ERBB4: variants seen among roughly 807,000 people sequenced by gnomAD.
ERBB4 encodes receptor tyrosine-protein kinase erbB-4.
Under a neutral mutation model 158.0 loss-of-function variants are expected in ERBB4, and 42 were observed. The ratio of observed to expected loss-of-function variants is 0.27; its 90% CI spans 0.21 to 0.34. The LOEUF is 0.34. ERBB4 is among the 10% of genes least tolerant of loss of function. ERBB4 has a pLI of 1.00. For missense variants in ERBB4, 1,333 were observed against 1,624.1 expected, an observed-to-expected ratio of 0.82 and a Z score of 3.08; for synonymous variants, 583 against 558.7, an observed-to-expected ratio of 1.04 and a Z score of -0.61.
intron 1 of ERBB4, among the ~76,000 whole-genome samples, chr2:212,455,712 G>A (rs921290057): frequency 6.6e-6 from 1 of 151,922 alleles, no homozygotes; most frequent in African/African-American, 2.4e-5. Flanking sequence ...TACTTTATTG[G>A]ATAGAAAAAT....
chr2:211,489,187 A>T (rs57162879), intron 20 of ERBB4, among the ~76,000 whole-genome samples: 2 of 152,064 alleles, frequency 1.3e-5, no homozygotes, highest in African/African-American at 4.8e-5. Context: ...GATTCTTTTC[A>T]CCACAGCTGA....
intron 1 of ERBB4, among the ~76,000 whole-genome samples, chr2:212,179,717 A>G (rs1268414989): frequency 6.6e-6 from 1 of 151,648 alleles, no homozygotes; most frequent in Non-Finnish European, 1.5e-5. Context: ...AAGTTGCTAT[A>G]AATCATAGAT....
intron 1 of ERBB4, among the ~76,000 whole-genome samples, chr2:212,466,564 G>A (rs1297607732): frequency 1.3e-5 from 2 of 152,188 alleles, no homozygotes; most frequent in African/African-American, 2.4e-5. Context: ...TGCCATCCAA[G>A]TAAGATATGA....
At chr2:212,396,294 G>A (rs2091023924) in intron 1 of ERBB4, among the ~76,000 whole-genome samples, 1 of 152,064 alleles carries the variant, frequency 6.6e-6, no homozygotes, top group Middle Eastern at 3.2e-3. Flanking sequence ...ATCCAGAGAT[G>A]ATCCTCTACA....
intron 20 of ERBB4, among the ~76,000 whole-genome samples, chr2:211,455,224 A>T (rs1379918990): frequency 6.6e-6 from 1 of 152,248 alleles, no homozygotes; most frequent in Non-Finnish European, 1.5e-5. Context: ...GTGAAACACA[A>T]AATTTAGCAT....
chr2:212,405,388 G>C (rs1310069103), intron 1 of ERBB4, among the ~76,000 whole-genome samples: 2 of 152,054 alleles, frequency 1.3e-5, no homozygotes, highest in Non-Finnish European at 2.9e-5. Context: ...CCGTTAGCAG[G>C]TGTGTAAACT....
chr2:211,994,771 G>A (rs2082159725), intron 2 of ERBB4, among the ~76,000 whole-genome samples: 1 of 152,076 alleles, frequency 6.6e-6, no homozygotes, highest in African/African-American at 2.4e-5. Flanking sequence ...TCACATTGAA[G>A]GGAAAAAGAA....
At chr2:212,404,935 G>A (rs936392998) in intron 1 of ERBB4, among the ~76,000 whole-genome samples, 2 of 152,028 alleles carry the variant, frequency 1.3e-5, no homozygotes, top group African/African-American at 4.8e-5. Context: ...AGTTTGCTAA[G>A]TATAATAGCC....
chr2:211,759,014 A>G (rs749035727), intron 4 of ERBB4, among the ~76,000 whole-genome samples: 1 of 152,122 alleles, frequency 6.6e-6, no homozygotes. Flanking sequence ...AACTAAATCC[A>G]TACTCTTCCC....
chr2:212,389,033 T>G (rs2090768357), intron 1 of ERBB4, among the ~76,000 whole-genome samples: 1 of 151,982 alleles, frequency 6.6e-6, no homozygotes, highest in Admixed American at 6.6e-5. Context: ...GAGAAACTGG[T>G]GAAAAAGTGT....
intron 3 of ERBB4, among the ~76,000 whole-genome samples, chr2:211,817,775 C>A (rs985028232): frequency 6.6e-6 from 1 of 152,150 alleles, no homozygotes; most frequent in Non-Finnish European, 1.5e-5. Flanking sequence ...CCTTATCTTT[C>A]CCATTTCCTG....
intron 1 of ERBB4, among the ~76,000 whole-genome samples, chr2:212,228,135 A>G (rs905965974): frequency 1.3e-5 from 2 of 152,276 alleles, no homozygotes; most frequent in African/African-American, 4.8e-5. Context: ...CTTTCTTCTG[A>G]TTTCTATATA....
At chr2:211,482,561 C>G (rs1006951850) in intron 20 of ERBB4, among the ~76,000 whole-genome samples, 1 of 152,026 alleles carries the variant, frequency 6.6e-6, no homozygotes, top group Non-Finnish European at 1.5e-5. Flanking sequence ...TATCAAAGAT[C>G]AAAATGTACA....
intron 1 of ERBB4, among the ~76,000 whole-genome samples, chr2:212,158,250 A>G (rs893805790): frequency 6.6e-6 from 1 of 152,018 alleles, no homozygotes; most frequent in South Asian, 2.1e-4. Flanking sequence ...AGATGAGCAC[A>G]CATGCTGAAG....
Position 211,581,912 on chromosome 2 carries a change from A to G in ERBB4, c.2302-19824T>C, listed in dbSNP as rs146221628. On this transcript the variant is annotated intron_variant, in intron 19 of 27. Transcript: ENST00000342788. Reference sequence around the variant, plus strand: ...GTAGTCCCAGCTACTCAGGAGGCTGAGGCAGGAGAATCACTTGAACCCAGG... The same window carrying G: ...GTAGTCCCAGCTACTCAGGAGGCTGGGGCAGGAGAATCACTTGAACCCAGG... Among the ~76,000 whole-genome samples, 826 of 152,256 alleles carry G rather than the reference A, an allele frequency of 5.4e-3. 8 individuals carry two copies. The highest frequency in any genetic ancestry group is 0.019 in the African/African-American group (799 of 41,544).
intron 1 of ERBB4, among the ~76,000 whole-genome samples, chr2:212,144,585 T>C (rs2080600380): frequency 6.6e-6 from 1 of 152,238 alleles, no homozygotes; most frequent in Non-Finnish European, 1.5e-5. Context: ...CTGAATCAGT[T>C]ACTCAATTTA....
chr2:212,229,053 A>G (rs1172203240), intron 1 of ERBB4, among the ~76,000 whole-genome samples: 5 of 152,208 alleles, frequency 3.3e-5, no homozygotes, highest in Non-Finnish European at 7.3e-5. Context: ...AATTGGACAT[A>G]TCAGTATGGA....
At chr2:212,292,109 A>G (rs114086269) in intron 1 of ERBB4, among the ~76,000 whole-genome samples, 2,039 of 152,092 alleles carry the variant, frequency 0.013, 47 homozygotes, top group African/African-American at 0.046. Context: ...AAAAACTGAA[A>G]CAATTTTTAA....
chr2:212,205,115 G>T (rs886576794), intron 1 of ERBB4, among the ~76,000 whole-genome samples: 3 of 151,926 alleles, frequency 2.0e-5, no homozygotes, highest in African/African-American at 7.3e-5. Context: ...ACCGTGCCTG[G>T]CCAACTTCCA....
Sources: allele counts gnomAD v4.1 joint callset (sites outside exome capture counted in the v4.1 genomes callset), GRCh38; gene constraint gnomAD v4.1.1; transcripts MANE v1.5; gene names NCBI Gene and HGNC (gene_info 2026-07-23, HGNC 2026-07-21).